Variants in GNL2 observed in about 807,000 individuals in gnomAD.
GNL2 encodes the protein nucleolar GTP-binding protein 2.
A neutral mutation model predicts 92.3 loss-of-function variants in GNL2; 51 were observed. The observed-to-expected ratio is 0.55, with a 90% confidence interval of 0.44 to 0.70. GNL2 has a LOEUF of 0.70. GNL2 is among the 30% of genes least tolerant of loss of function. GNL2 has a pLI of 0.00. For missense variants in GNL2, 844 were observed against 895.6 expected (o/e 0.94, Z 0.74); for synonymous variants, 283 against 300.6 (o/e 0.94, Z 0.61).
rs772608931 is a variant in GNL2, at chr1:37,592,801, C to A, written c.155G>T (p.Ser52Ile). Residue 52 changes from serine (S) to isoleucine (I), a missense_variant, in exon 3 of 16, where the codon AGT becomes ATT. By Grantham distance (142) the Ser-to-Ile change is moderately radical. Coordinates refer to ENST00000373062, the MANE Select transcript of GNL2 (RefSeq NM_013285.3). ...CAGGGGTTTAATTATTTTACCACGA[C>A]TGTTCCTAAATTGAGGAAAGAACAG... ...NMYRQKERRN[S>I]RGKIIKPLQY... is the part of the protein sequence containing the mutation. 3.2e-6 allele frequency: 5 copies of A among 1,586,588 alleles called. No homozygotes were observed. The highest frequency in any genetic ancestry group is 4.3e-6 in the Non-Finnish European group (5 of 1,155,022).
rs1314892609 is a variant in GNL2, at chr1:37,568,305, TTC to T, written c.1919_1920del (p.Arg640LysfsTer9). 1 of 1,608,106 alleles carries T rather than the reference TTC, an allele frequency of 6.2e-7. No homozygotes were observed. The highest frequency in any genetic ancestry group is 8.5e-7 in the Non-Finnish European group (1 of 1,174,556). On this transcript the variant is annotated frameshift_variant, in exon 14 of 16. Transcript: ENST00000373062. LOFTEE classifies it high-confidence loss of function. The stretch of plus-strand genomic sequence containing the variant: ...TCATCTACATCTTCTTCCAGTGTTT[TTC>T]TTTGTTCTTCAGGTTTTGCAAATAT... Reference protein sequence around the residue: ...EKIFAKPEEQRKTLEEDVDDR... With the variant: ...EKIFAKPEEQXKTLEEDVDDR...
At chr1:37,572,209 A>G (rs996930591) in intron 12 of GNL2, among the ~76,000 whole-genome samples, 3 of 152,024 alleles carry the variant, frequency 2.0e-5, no homozygotes, top group Non-Finnish European at 4.4e-5. Flanking sequence ...CTGACATTAT[A>G]TGTTTATCTG....
chr1:37,584,476 A>AG (rs1397742902), intron 5 of GNL2, among the ~76,000 whole-genome samples: 2 of 130,268 alleles, frequency 1.5e-5, no homozygotes, highest in Admixed American at 1.5e-4. Flanking sequence ...AAAAAAAAAA[A>AG]AGAAGAAGAA....
At chr1:37,594,265 G>T (rs141048463) in intron 1 of GNL2, among the ~76,000 whole-genome samples, 5 of 152,332 alleles carry the variant, frequency 3.3e-5, no homozygotes, top group African/African-American at 1.2e-4. Flanking sequence ...ATTTGTACAT[G>T]AGCATTTGAT....
intron 3 of GNL2, among the ~76,000 whole-genome samples, chr1:37,591,206 C>T (rs867640825): frequency 6.6e-6 from 1 of 152,310 alleles, no homozygotes; most frequent in Non-Finnish European, 1.5e-5. Flanking sequence ...CACAGCTGAT[C>T]AGTCAGTATA....
At position 37,568,282 on chromosome 1, in the gene GNL2, A is replaced by T; in HGVS notation, c.1944T>A (p.Asp648Glu). Residue 648 changes from aspartate (D) to glutamate (E), a missense_variant, in exon 14 of 16, where the codon GAT (aspartate) becomes GAA (glutamate). Transcript: ENST00000373062. ...GAAATAATTTAACTTCACCTCTGTC[A>T]TCTACATCTTCTTCCAGTGTTTTTC... ...EQRKTLEEDV[D>E]DRAPSKKGKK... The T allele has an allele frequency of 1.0e-5, 16 of 1,587,122 alleles. No individual in the cohort carries two copies. The highest frequency in any genetic ancestry group is 1.4e-5 in the Non-Finnish European group (16 of 1,155,200).
chr1:37,568,511 C>A, intron 13 of GNL2, 154 bp from the exon 14 acceptor site: 1 of 618,444 alleles, frequency 1.6e-6, no homozygotes, highest in Non-Finnish European at 2.9e-6. Context: ...CATGTTTGTA[C>A]CTCCCTGGGT....
rs1375214189 is a variant in GNL2 at position 37,575,672 on chromosome 1, G to A, written c.1066C>T (p.Arg356Trp). 3 of 1,602,354 alleles carry A rather than the reference G, an allele frequency of 1.9e-6. No individual in the cohort carries two copies. The highest frequency in any genetic ancestry group is 2.7e-5 in the African/African-American group (2 of 74,182). ...KVWQYITLMR[R>W]IFLIDCPGVV... The stretch of plus-strand genomic sequence containing the variant: ...CCTGGACAGTCAATCAGGAATATCC[G>A]ACGCATCAAAGTAATATACTGCCAG... The change falls in exon 10 of 16, where the codon CGG (arginine) becomes TGG (tryptophan). Residue 356 changes from arginine (R) to tryptophan (W), a missense_variant. Physicochemically the swap from Arg to Trp is moderately radical, Grantham distance 101. Coordinates refer to ENST00000373062, the MANE Select transcript of GNL2 (RefSeq NM_013285.3). The surrounding 1 kb of genome is among the most constrained non-coding windows in gnomAD (Gnocchi z 4.1).
At chr1:37,591,630 C>G (rs935199732) in intron 3 of GNL2, among the ~76,000 whole-genome samples, 1 of 151,810 alleles carries the variant, frequency 6.6e-6, no homozygotes, top group African/African-American at 2.4e-5. Context: ...CCCAGCCTCC[C>G]AAGTAGCTGG....
rs1328072590 is a variant in GNL2 at position 37,575,709 on chromosome 1, G to A, written c.1039-10C>T. 2.6e-6 allele frequency: 4 copies of A among 1,556,426 alleles called. No homozygotes were observed. Among genetic ancestry groups the A allele is most frequent in the East Asian group, 2.3e-5 (1 of 43,468 alleles). ...TAATATACTGCCAGACCTGAAGTCA[G>A]AAAAAAGTCAGAGATGTCCTGTATC... On this transcript the variant is annotated splice_polypyrimidine_tract_variant and intron_variant, in intron 9 of 15. Coordinates refer to ENST00000373062, the MANE Select transcript of GNL2 (RefSeq NM_013285.3). The surrounding 1 kb of genome is among the most constrained non-coding windows in gnomAD (Gnocchi z 4.1).
At position 37,589,769 on chromosome 1, in the gene GNL2, A is replaced by G. The variant is rs182250807; in HGVS notation, c.384+937T>C. Among the ~76,000 whole-genome samples the G allele has an allele frequency of 3.4e-3, 512 of 152,232 alleles. 2 individuals carry two copies. The highest frequency in any genetic ancestry group is 5.8e-3 in the Non-Finnish European group (394 of 68,024). On this transcript the variant is annotated intron_variant, in intron 4 of 15. Coordinates refer to ENST00000373062, the MANE Select transcript of GNL2 (RefSeq NM_013285.3). ...CTTTGTTCTGTGTGAAACTCATTCC[A>G]CTCAACCCAGATTGAATCCTTACTG...
intron 9 of GNL2, 143 bp downstream of exon 9, chr1:37,576,285 C>G (rs997809871): frequency 2.8e-6 from 2 of 713,004 alleles, no homozygotes; most frequent in Non-Finnish European, 2.3e-6. Context: ...AACTCTGATA[C>G]GTTCCAAACT....
intron 8 of GNL2, among the ~76,000 whole-genome samples, chr1:37,577,130 A>G (rs1261644044): frequency 1.3e-5 from 2 of 151,970 alleles, no homozygotes; most frequent in Non-Finnish European, 2.9e-5. Context: ...AAGAAACAAA[A>G]GAAGAAAAAC....
chr1:37,574,912 A>G lies in GNL2; in HGVS notation c.1144-89T>C. 4 of 889,640 alleles carry G rather than the reference A, an allele frequency of 4.5e-6. No homozygotes were observed. In the East Asian group the frequency reaches 9.7e-5, roughly 22 times the overall value. 55.1% of individuals were successfully genotyped at this position (889,640 alleles called of 1,614,324 possible). On this transcript the variant is annotated intron_variant, in intron 10 of 15. Coordinates refer to ENST00000373062, the MANE Select transcript of GNL2 (RefSeq NM_013285.3). ...GTCCTTTGCAGCACTATTTGAAAAT[A>G]GACTTCAACATCACAAAGCTCGTGG...
rs1465267054 is a variant in GNL2 at position 37,575,944 on chromosome 1, C to T, written c.1039-245G>A. 6.6e-6 allele frequency among the ~76,000 whole-genome samples: 1 copy of T among 152,166 alleles called. No homozygotes were observed. Among genetic ancestry groups the T allele is most frequent in the Non-Finnish European group, 1.5e-5 (1 of 68,034 alleles). On this transcript the variant is annotated intron_variant, in intron 9 of 15. Coordinates refer to ENST00000373062, the MANE Select transcript of GNL2 (RefSeq NM_013285.3). This position sits in a 1 kb window ranked among gnomAD's most constrained non-coding sequence, Gnocchi z 4.1. ...CAACACAGAGACAGGATTTCCATCTCGTATTGTGCAATTATACCCGGTGAA... is the reference window on the plus strand; with the variant it reads ...CAACACAGAGACAGGATTTCCATCTTGTATTGTGCAATTATACCCGGTGAA...
intron 1 of GNL2, 148 bp from the exon 2 acceptor site, chr1:37,593,994 CAAT>C: frequency 1.7e-6 from 1 of 577,290 alleles, no homozygotes; most frequent in South Asian, 2.2e-5. Flanking sequence ...TATGTTGCTC[CAAT>C]AATTAGTACT....
chr1:37,587,317 C>A lies in GNL2; in HGVS notation c.563G>T (p.Gly188Val). The A allele has an allele frequency of 6.3e-7, 1 of 1,579,604 alleles. No individual in the cohort carries two copies. The highest frequency in any genetic ancestry group is 1.8e-5 in the Admixed American group (1 of 54,638). The change falls in exon 5 of 16, where the codon GGT (glycine) becomes GTT (valine). Residue 188 changes from glycine to valine, a missense_variant. Gly to Val is a moderately radical substitution (Grantham distance 109, BLOSUM62 -3). Transcript: ENST00000373062. ...AGCAAAAAAAAAAATGTACCTCACACCAGTGTCTTCAGTTACCAAATCACG... is the reference window on the plus strand; with the variant it reads ...AGCAAAAAAAAAAATGTACCTCACAACAGTGTCTTCAGTTACCAAATCACG... ...KDRDLVTEDTGVRNEAQEEIY... is the reference protein window; with the variant it reads ...KDRDLVTEDTVVRNEAQEEIY...
intron 4 of GNL2, among the ~76,000 whole-genome samples, chr1:37,589,064 A>G (rs1473744187): frequency 6.6e-6 from 1 of 152,240 alleles, no homozygotes; most frequent in Non-Finnish European, 1.5e-5. Flanking sequence ...ACAGGATTCA[A>G]TAGTTGCTTA....
At chr1:37,576,731 T>G (rs1214310020) in intron 8 of GNL2, among the ~76,000 whole-genome samples, 175 bp from the exon 9 acceptor site, 2 of 152,244 alleles carry the variant, frequency 1.3e-5, no homozygotes, top group African/African-American at 4.8e-5. Context: ...TACATATGCT[T>G]ATTAATAAAT....
Sources: allele counts gnomAD v4.1 joint callset (sites outside exome capture counted in the v4.1 genomes callset), GRCh38; gene constraint gnomAD v4.1.1; non-coding constraint Gnocchi (gnomAD v3.1); transcripts MANE v1.5; gene names NCBI Gene and HGNC (gene_info 2026-07-23, HGNC 2026-07-21).